Variants in GBP3 observed in about 807,000 individuals in gnomAD.
The protein encoded by GBP3 is guanylate binding protein 3.
GBP3 carries 55 observed loss-of-function variants against 62.4 expected under a neutral mutation model. The ratio of observed to expected loss-of-function variants is 0.88; its 90% CI spans 0.71 to 1.10. The LOEUF is 1.10. Ranked by LOEUF, GBP3 falls within the 50% of genes least tolerant of loss-of-function variation. The pLI is 0.00. For synonymous variants in GBP3, 208 were observed against 259.2 expected, an observed-to-expected ratio of 0.80 and a Z score of 1.90; for missense variants, 605 against 690.6, an observed-to-expected ratio of 0.88 and a Z score of 1.39.
At position 89,009,076 on chromosome 1, in the gene GBP3, C is replaced by A. The variant is rs775374518; in HGVS notation, c.1530G>T (p.Lys510Asn). 1.2e-6 allele frequency: 2 copies of A among 1,613,948 alleles called. No individual in the cohort carries two copies. Among genetic ancestry groups the A allele is most frequent in the African/African-American group, 1.3e-5 (1 of 74,926 alleles). The change falls in exon 10 of 11, where the codon AAG (lysine) becomes AAT (asparagine). Residue 510 changes from lysine to asparagine, a missense_variant. By Grantham distance (94) the Lys-to-Asn change is moderately conservative. Around this residue, in one of 3 missense-constraint regions of GBP3, gnomAD observed 160 missense variants for 147.8 expected, o/e 1.08. Transcript: ENST00000370481. ...CTTTCTCTTCCATCATCTGCTGATA[C>A]TTTATTTGCATTTCCTCCACCATTT... Reference protein sequence around the residue: ...SAKMVEEMQIKYQQMMEEKEK... With the variant: ...SAKMVEEMQINYQQMMEEKEK...
chr1:89,020,441 T>C (rs1209301982), intron 2 of GBP3, 91 bp downstream of exon 2: 1 of 1,473,168 alleles, frequency 6.8e-7, no homozygotes, highest in Non-Finnish European at 9.5e-7. Context: ...TTATTCCCAG[T>C]GCCAGCTTTC....
At chr1:89,013,929 C>A in intron 5 of GBP3, 154 bp downstream of exon 5, 3 of 755,050 alleles carry the variant, frequency 4.0e-6, no homozygotes, top group Non-Finnish European at 4.1e-6. Flanking sequence ...TTCAAAAAAC[C>A]TTTTCTATTG....
intron 1 of GBP3, among the ~76,000 whole-genome samples, chr1:89,021,226 G>T (rs1261756715): frequency 6.6e-6 from 1 of 152,010 alleles, no homozygotes; most frequent in Non-Finnish European, 1.5e-5. Flanking sequence ...TTTTCAACTG[G>T]TTATGCTTAT....
In GBP3 at chr1:89,009,134, C is replaced by T. The variant is rs1290205498; in HGVS notation, c.1472G>A (p.Cys491Tyr). 1 of 1,613,770 alleles carries T rather than the reference C, an allele frequency of 6.2e-7. No individual in the cohort carries two copies. The highest frequency in any genetic ancestry group is 8.5e-7 in the Non-Finnish European group (1 of 1,179,810). The change falls in exon 10 of 11, where the codon TGT becomes TAT. Residue 491 changes from cysteine to tyrosine, a missense_variant. This residue lies in a region of GBP3 where 160 missense variants were observed against 147.8 expected (regional missense o/e 1.08). Coordinates refer to ENST00000370481, the MANE Select transcript of GBP3 (RefSeq NM_018284.3). The stretch of plus-strand genomic sequence containing the variant: ...AGCCTGTGCAGATTCAGCTTTTACA[C>T]ATTCCACTGTGGAGGAAGAAGAAAC... ...TEKEKEIEVECVKAESAQASA... is the reference protein window; with the variant it reads ...TEKEKEIEVEYVKAESAQASA...
intron 1 of GBP3, among the ~76,000 whole-genome samples, chr1:89,021,890 G>A (rs1246601150): frequency 6.6e-6 from 1 of 150,708 alleles, no homozygotes; most frequent in East Asian, 2.0e-4. Context: ...GTTTTGCCAA[G>A]GAATTCAGGG....
chr1:89,007,970 T>A, intron 10 of GBP3, 118 bp from the exon 11 acceptor site: 1 of 883,514 alleles, frequency 1.1e-6, no homozygotes, highest in Non-Finnish European at 1.6e-6. Flanking sequence ...AAATTTTCTC[T>A]ACCCTTGATT....
intron 1 of GBP3, among the ~76,000 whole-genome samples, chr1:89,021,496 G>A (rs1042453979): frequency 8.9e-6 from 1 of 112,924 alleles, no homozygotes; most frequent in Admixed American, 9.2e-5. Flanking sequence ...TAAGAAACAC[G>A]CATGCGCGCG....
Position 89,013,298 on chromosome 1 carries a change from T to C in GBP3, c.755A>G (p.Gln252Arg), listed in dbSNP as rs750930105. The change falls in exon 6 of 11, where the codon CAA (glutamine) becomes CGA (arginine). Residue 252 changes from glutamine to arginine, a missense_variant. Gln to Arg is a conservative substitution (Grantham distance 43). Coordinates refer to ENST00000370481, the MANE Select transcript of GBP3 (RefSeq NM_018284.3). The part of the protein sequence containing the change: ...RRKLAQLEKL[Q>R]DEELDPEFVQ... ...AAATTCAGGGTCCAGCTCTTCATCT[T>C]GTAGTTTCTCAAGCTGGGCAAGCTT... The C allele has an allele frequency of 1.9e-6, 3 of 1,614,214 alleles. No homozygotes were observed. Among genetic ancestry groups the C allele is most frequent in the Non-Finnish European group, 2.5e-6 (3 of 1,180,028 alleles).
chr1:89,013,151 A>G, intron 6 of GBP3, 34 bp downstream of exon 6: 1 of 1,600,474 alleles, frequency 6.2e-7, no homozygotes, highest in Non-Finnish European at 8.5e-7. Flanking sequence ...CTTTAGTTTT[A>G]ACAATGAGTG....
At chr1:89,013,154 A>G (rs748943733) in intron 6 of GBP3, 31 bp downstream of exon 6, 1 of 1,601,794 alleles carries the variant, frequency 6.2e-7, no homozygotes, top group Admixed American at 1.7e-5. Context: ...TAGTTTTAAC[A>G]ATGAGTGGAA....
At chr1:89,008,245 A>G (rs1678344536) in intron 10 of GBP3, among the ~76,000 whole-genome samples, 2 of 151,834 alleles carry the variant, frequency 1.3e-5, no homozygotes, top group Admixed American at 1.3e-4. Context: ...TTACTCTCAA[A>G]ATCTGATTAG....
intron 8 of GBP3, 96 bp from the exon 9 acceptor site, chr1:89,009,590 C>T: frequency 6.4e-7 from 1 of 1,550,912 alleles, no homozygotes; most frequent in East Asian, 2.3e-5. Flanking sequence ...GAGAATTCTT[C>T]CTCTTGGCCC....
rs1678307311 is a variant in GBP3, at chr1:89,007,797, T to A, written c.1715A>T (p.Asn572Ile). 2 of 1,613,604 alleles carry A rather than the reference T, an allele frequency of 1.2e-6. No individual in the cohort carries two copies. The highest frequency in any genetic ancestry group is 4.5e-5 in the East Asian group (2 of 44,872). The change falls in exon 11 of 11, where the codon AAT (asparagine) becomes ATT (isoleucine). Residue 572 changes from asparagine (N) to isoleucine (I), a missense_variant. Coordinates refer to ENST00000370481, the MANE Select transcript of GBP3 (RefSeq NM_018284.3). ...GGTCTTCTGTAGCTTTTGTATCTCA[T>A]TTTGAAGTTGGGTACTTTCACCTTG... Reference protein sequence around the residue: ...RCQGESTQLQNEIQKLQKTLK... With the variant: ...RCQGESTQLQIEIQKLQKTLK...
chr1:89,018,370 G>A (rs1278836924), intron 2 of GBP3, among the ~76,000 whole-genome samples: 2 of 152,128 alleles, frequency 1.3e-5, no homozygotes, highest in African/African-American at 4.8e-5. Context: ...TGGAGAGAGG[G>A]GGCACCTGTC....
chr1:89,019,512 TC>T (rs1451747989), intron 2 of GBP3, among the ~76,000 whole-genome samples: 3 of 152,184 alleles, frequency 2.0e-5, no homozygotes, highest in Admixed American at 1.3e-4. Context: ...AGTCTTGAAC[TC>T]CCGACCTCAG....
At chr1:89,010,741 A>G (rs954867302) in intron 8 of GBP3, among the ~76,000 whole-genome samples, 163 bp downstream of exon 8, 1 of 125,900 alleles carries the variant, frequency 7.9e-6, no homozygotes, top group Non-Finnish European at 1.8e-5. Context: ...CACCTGGGAC[A>G]TACCTGATAT....
chr1:89,009,078 T>A lies in GBP3; in HGVS notation c.1528A>T (p.Lys510Ter), dbSNP rs763112575. 8 of 1,614,154 alleles carry A rather than the reference T, an allele frequency of 5.0e-6. No homozygotes were observed. In the Admixed American group the frequency reaches 1.3e-4, roughly 27 times the overall value. Residue 510 changes from lysine to a stop codon, truncating the protein, a stop_gained, in exon 10 of 11, where the codon AAG (lysine) becomes TAG (stop). Coordinates refer to ENST00000370481, the MANE Select transcript of GBP3 (RefSeq NM_018284.3). LOFTEE classifies it high-confidence loss of function. ...TTCTCTTCCATCATCTGCTGATACT[T>A]TATTTGCATTTCCTCCACCATTTTT... ...SAKMVEEMQI[K>*]YQQMMEEKEK...
rs935482715 is a variant in GBP3 at position 89,007,466 on chromosome 1, G to A, written c.*258C>T. 13 of 339,368 alleles carry A rather than the reference G, an allele frequency of 3.8e-5. No homozygotes were observed. Among genetic ancestry groups the A allele is most frequent in the Admixed American group, 1.4e-4 (3 of 21,762 alleles). The allele number at this position is 339,368 out of a possible 1,614,324, so 21.0% of individuals were successfully genotyped here. A position where few individuals can be genotyped will look rare whatever the true frequency, so the allele number is the denominator to read the frequency against. On this transcript the variant is annotated 3_prime_UTR_variant, in exon 11 of 11. Transcript: ENST00000370481. ...AGACTTTCCTCAGTATCCACTGGTCGTCTGGAAGAATAAACTTCTGAGTGG... is the reference window on the plus strand; with the variant it reads ...AGACTTTCCTCAGTATCCACTGGTCATCTGGAAGAATAAACTTCTGAGTGG...
rs1483773426 is a variant in GBP3 at position 89,015,332 on chromosome 1, G to A, written c.273C>T (p.His91=). ...CCTCAGTGTCAAGCAGGACTAAGGT[G>A]TGTTCTGGCTTTTTGGGGTGAGGCA... ...WCVPHPKKPE[H]TLVLLDTEGL... The change falls in exon 3 of 11, where the codon CAC becomes CAT. Residue 91 remains histidine (H), a synonymous_variant. Coordinates refer to ENST00000370481, the MANE Select transcript of GBP3 (RefSeq NM_018284.3). The A allele has an allele frequency of 3.1e-6, 5 of 1,613,324 alleles. No homozygotes were observed. Among genetic ancestry groups the A allele is most frequent in the Admixed American group, 1.7e-5 (1 of 59,942 alleles).
Sources: gnomAD v4.1 joint callset for allele counts (sites outside exome capture counted in the v4.1 genomes callset) on GRCh38, gnomAD v4.1.1 for gene constraint, gnomAD v4.1.1 regional missense constraint, MANE v1.5 for transcripts, NCBI Gene and HGNC (gene_info 2026-07-23, HGNC 2026-07-21) for gene names.